The following ASH1L variants were observed in gnomAD, a reference collection of about 807,000 sequenced individuals.
ASH1L encodes histone-lysine N-methyltransferase ASH1L.
In ASH1L, 23 loss-of-function variants were observed where a neutral mutation model predicts 269.0. The observed-to-expected ratio is 0.09, with a 90% CI of 0.06 to 0.12. The LOEUF is 0.12. Ranked by LOEUF, ASH1L falls within the 10% of genes least tolerant of loss-of-function variation. The pLI is 1.00. For missense variants in ASH1L, 2,912 were observed against 3,567.8 expected, an observed-to-expected ratio of 0.82 and a Z score of 4.68; for synonymous variants, 1,187 against 1,253.5, an observed-to-expected ratio of 0.95 and a Z score of 1.12.
At chr1:155,387,732 AT>A (rs1657555261) in intron 7 of ASH1L, among the ~76,000 whole-genome samples, 1 of 152,132 alleles carries the variant, frequency 6.6e-6, no homozygotes, top group African/African-American at 2.4e-5. Flanking sequence ...TTTGGGCAAT[AT>A]GGCCATTTTA....
chr1:155,436,822 T>A (rs1013184117), intron 5 of ASH1L, among the ~76,000 whole-genome samples: 3 of 152,134 alleles, frequency 2.0e-5, no homozygotes, highest in Admixed American at 6.6e-5. Flanking sequence ...GATTTTACAT[T>A]TACATCTTTG....
At position 155,562,731 on chromosome 1, in the gene ASH1L, C is replaced by G; in HGVS notation, c.-678G>C. 1 of 1,339,470 alleles carries G rather than the reference C, an allele frequency of 7.5e-7. No individual in the cohort carries two copies. Among genetic ancestry groups the G allele is most frequent in the South Asian group, 1.2e-5 (1 of 80,124 alleles). The allele number at this position is 1,339,470 out of a possible 1,614,324, so 83.0% of individuals were successfully genotyped here. On this transcript the variant is annotated 5_prime_UTR_variant, in exon 1 of 28. Transcript: ENST00000392403. The stretch of plus-strand genomic sequence containing the variant: ...AACCCCCTCGTCCAGTCCCTCACTA[C>G]CCCTCAGGCCCTGTCAAGCCGGCGC...
chr1:155,392,514 A>G (rs981830073), intron 7 of ASH1L, among the ~76,000 whole-genome samples: 1 of 151,738 alleles, frequency 6.6e-6, no homozygotes, highest in African/African-American at 2.4e-5. Context: ...TTTTTTTGAG[A>G]GTCTTGCTCT....
intron 4 of ASH1L, among the ~76,000 whole-genome samples, chr1:155,458,224 A>C (rs969368590): frequency 2.0e-5 from 3 of 152,242 alleles, no homozygotes; most frequent in African/African-American, 7.2e-5. Context: ...ACTAACAAAG[A>C]GCTTCTAAAG....
At chr1:155,347,588 GCTT>G in intron 20 of ASH1L, 65 bp downstream of exon 20, 2 of 1,591,618 alleles carry the variant, frequency 1.3e-6, no homozygotes, top group South Asian at 1.1e-5. Context: ...AGAGGCATGG[GCTT>G]CTTCTTTGAA....
intron 2 of ASH1L, among the ~76,000 whole-genome samples, chr1:155,490,351 C>T (rs1215062894): frequency 1.3e-5 from 2 of 151,694 alleles, no homozygotes; most frequent in Non-Finnish European, 2.9e-5. Context: ...GTGGCTCATG[C>T]CTGTAATCCT....
intron 2 of ASH1L, among the ~76,000 whole-genome samples, chr1:155,500,840 T>C (rs1196291697): frequency 6.6e-6 from 1 of 152,150 alleles, no homozygotes; most frequent in Non-Finnish European, 1.5e-5. Flanking sequence ...TGGTGGCACA[T>C]GCCTGTAATC....
At chr1:155,460,586 C>A (rs1380278458) in intron 3 of ASH1L, among the ~76,000 whole-genome samples, 1 of 152,058 alleles carries the variant, frequency 6.6e-6, no homozygotes, top group Non-Finnish European at 1.5e-5. Flanking sequence ...GCAGCCTGGG[C>A]AACAGAGCAA....
At chr1:155,357,959 C>T (rs1441658335) in intron 13 of ASH1L, among the ~76,000 whole-genome samples, 1 of 151,742 alleles carries the variant, frequency 6.6e-6, no homozygotes, top group African/African-American at 2.4e-5. Flanking sequence ...TGTGTAGAGA[C>T]AGGGTTTCGC....
rs146643254 is a variant in ASH1L, at chr1:155,414,245, A to C, written c.6008+1499T>G. On this transcript the variant is annotated intron_variant, in intron 6 of 27. Coordinates refer to ENST00000392403, the MANE Select transcript of ASH1L (RefSeq NM_018489.3). ...CTGCTGCTGGAGTTATCTTAAACAA[A>C]CCTATACCTTTCACATCCATCCCCC... Among the ~76,000 whole-genome samples, 498 of 152,180 alleles carry C rather than the reference A, an allele frequency of 3.3e-3. 2 individuals carry two copies. The highest frequency in any genetic ancestry group is 0.012 in the African/African-American group (479 of 41,512).
intron 2 of ASH1L, among the ~76,000 whole-genome samples, chr1:155,501,960 C>A (rs189999900): frequency 1.9e-4 from 29 of 150,318 alleles, no homozygotes; most frequent in Non-Finnish European, 4.0e-4. Context: ...TGCACTCGGC[C>A]TAGAGATTGT....
intron 1 of ASH1L, among the ~76,000 whole-genome samples, chr1:155,552,008 G>A (rs1389295321): frequency 1.3e-5 from 2 of 151,904 alleles, no homozygotes; most frequent in Non-Finnish European, 2.9e-5. Flanking sequence ...TGAACAACAC[G>A]TAATATACTG....
intron 7 of ASH1L, among the ~76,000 whole-genome samples, chr1:155,386,410 C>A (rs143415071): frequency 1.3e-5 from 2 of 151,754 alleles, no homozygotes; most frequent in Non-Finnish European, 2.9e-5. Flanking sequence ...TGTTTTGAGA[C>A]GGAGTCTTAC....
intron 21 of ASH1L, chr1:155,345,956 C>T (rs1159492449): frequency 2.9e-6 from 1 of 349,488 alleles, no homozygotes; most frequent in African/African-American, 2.2e-5. Context: ...CTCAGCCACC[C>T]AAGTACCTGA....
chr1:155,459,925 C>T (rs772056176), intron 3 of ASH1L, 27 bp from the exon 4 acceptor site: 12 of 1,528,116 alleles, frequency 7.9e-6, no homozygotes, highest in Non-Finnish European at 9.7e-6. Context: ...AGATAGAAAT[C>T]ATAGGAAAAT....
At chr1:155,374,160 C>T (rs113604493) in intron 10 of ASH1L, among the ~76,000 whole-genome samples, 24 of 152,176 alleles carry the variant, frequency 1.6e-4, no homozygotes, top group African/African-American at 5.8e-4. Context: ...GAAACCTCGT[C>T]TCTATTAAAA....
chr1:155,341,382 T>C (rs909345401), intron 25 of ASH1L, among the ~76,000 whole-genome samples: 2 of 152,166 alleles, frequency 1.3e-5, no homozygotes, highest in Non-Finnish European at 2.9e-5. Context: ...TTCACCGTGT[T>C]AGCCAGGATG....
chr1:155,489,838 C>T (rs866657967), intron 2 of ASH1L, among the ~76,000 whole-genome samples: 1,507 of 88,666 alleles, frequency 0.017, 28 homozygotes, highest in African/African-American at 0.049. Flanking sequence ...AAATAAATAA[C>T]AATATGGTAA....
intron 12 of ASH1L, among the ~76,000 whole-genome samples, chr1:155,361,977 A>G (rs1654995026): frequency 6.6e-6 from 1 of 151,944 alleles, no homozygotes; most frequent in Non-Finnish European, 1.5e-5. Context: ...TCTCTATCAC[A>G]TGAGTGCCTC....
Sources: allele counts gnomAD v4.1 joint callset (sites outside exome capture counted in the v4.1 genomes callset), GRCh38; gene constraint gnomAD v4.1.1; transcripts MANE v1.5; gene names NCBI Gene and HGNC (gene_info 2026-07-23, HGNC 2026-07-21).